SLC12A2: variants seen among roughly 807,000 people sequenced by gnomAD.
The protein encoded by SLC12A2 is solute carrier family 12 member 2.
Under a neutral mutation model 136.3 loss-of-function variants are expected in SLC12A2, and 67 were observed. The observed-to-expected ratio is 0.49, with a 90% CI of 0.40 to 0.60. The LOEUF is 0.60. SLC12A2 is among the 20% of genes least tolerant of loss of function. The probability of loss-of-function intolerance (pLI) is 0.00; values close to 1 mark genes in which losing one functional copy is unlikely to be tolerated. For missense variants in SLC12A2, 1,322 were observed against 1,534.7 expected, an observed-to-expected ratio of 0.86 and a Z score of 2.32; for synonymous variants, 619 against 562.9, an observed-to-expected ratio of 1.10 and a Z score of -1.41.
intron 1 of SLC12A2, among the ~76,000 whole-genome samples, chr5:128,102,404 A>T (rs1760769543): frequency 6.6e-6 from 1 of 151,766 alleles, no homozygotes; most frequent in Non-Finnish European, 1.5e-5. Flanking sequence ...TTCTTTGGGT[A>T]TTGGTGTTAT....
intron 1 of SLC12A2, among the ~76,000 whole-genome samples, chr5:128,104,196 A>AT (rs1226660678): frequency 2.6e-5 from 4 of 152,132 alleles, no homozygotes; most frequent in South Asian, 4.1e-4. Context: ...GCTAATGAGG[A>AT]TTTTTTAATT....
intron 23 of SLC12A2, among the ~76,000 whole-genome samples, chr5:128,182,173 T>C (rs1186423076): frequency 6.6e-6 from 1 of 152,174 alleles, no homozygotes; most frequent in Non-Finnish European, 1.5e-5. Context: ...GTCAAACCTA[T>C]AGCAGATCTG....
chr5:128,091,994 T>C (rs1247195638), intron 1 of SLC12A2, among the ~76,000 whole-genome samples: 1 of 152,174 alleles, frequency 6.6e-6, no homozygotes, highest in East Asian at 1.9e-4. Flanking sequence ...TTTGGTATGG[T>C]ATGCTAGCCA....
rs1408717030 is a variant in SLC12A2 at position 128,084,533 on chromosome 5, T to C, written c.579T>C (p.Ser193=). 6.2e-7 allele frequency: 1 copy of C among 1,613,452 alleles called. No homozygotes were observed. The highest frequency in any genetic ancestry group is 1.3e-5 in the African/African-American group (1 of 75,004). The stretch of plus-strand genomic sequence containing the variant: ...TGCACTCCGGCGGCGGCGGCGGCAG[T>C]GGGCACCACCAGCACTACTATTATG... ...SSLHSGGGGG[S]GHHQHYYYDT... The change falls in exon 1 of 27, where the codon AGT becomes AGC. Residue 193 remains serine, a synonymous_variant. Transcript: ENST00000262461. The surrounding 1 kb of genome is among the most constrained non-coding windows in gnomAD (Gnocchi z 5.6).
At chr5:128,148,686 A>G (rs555592687) in intron 11 of SLC12A2, 68 bp from the exon 12 acceptor site, 6 of 1,334,934 alleles carry the variant, frequency 4.5e-6, no homozygotes, top group African/African-American at 1.5e-5. Context: ...TGATTAACCT[A>G]TTAGAACTAT....
At chr5:128,171,776 T>G in intron 19 of SLC12A2, 30 bp downstream of exon 19, 1 of 1,302,546 alleles carries the variant, frequency 7.7e-7, no homozygotes, top group East Asian at 2.3e-5. Flanking sequence ...AGTTTTTTAT[T>G]TACAAAAATA....
At chr5:128,101,196 G>A (rs946585528) in intron 1 of SLC12A2, among the ~76,000 whole-genome samples, 8 of 152,102 alleles carry the variant, frequency 5.3e-5, no homozygotes, top group African/African-American at 1.9e-4. Context: ...GCACGGATAG[G>A]AAATGTTGGT....
At chr5:128,101,261 A>AT (rs1760730908) in intron 1 of SLC12A2, among the ~76,000 whole-genome samples, 1 of 152,136 alleles carries the variant, frequency 6.6e-6, no homozygotes, top group Non-Finnish European at 1.5e-5. Flanking sequence ...TGTTAGAACA[A>AT]TTGTTAGAAT....
chr5:128,114,433 A>G lies in SLC12A2; in HGVS notation c.952+146A>G, dbSNP rs115104760. On this transcript the variant is annotated intron_variant, in intron 3 of 26. Transcript: ENST00000262461. ...TTGTTATCTTGATGTTCCTTTTTTC[A>G]TAATTCTGATTTGGTTTTTATAAAA... 4.4e-4 allele frequency: 356 copies of G among 811,788 alleles called. 1 individual carries two copies. In the African/African-American group the frequency reaches 5.7e-3, roughly 13 times the overall value. 50.3% of individuals were successfully genotyped at this position (811,788 alleles called of 1,614,324 possible).
At chr5:128,170,613 ATGAAAGT>A (rs994335875) in intron 18 of SLC12A2, 1 of 152,204 alleles carries the variant, frequency 6.6e-6, no homozygotes, top group African/African-American at 2.4e-5. Flanking sequence ...ATAATTAAAG[ATGAAAGT>A]TAAGCCTGTT....
chr5:128,129,475 CTTTTT>C (rs549925133), intron 4 of SLC12A2, among the ~76,000 whole-genome samples: 4 of 130,934 alleles, frequency 3.1e-5, no homozygotes, highest in African/African-American at 1.1e-4. Flanking sequence ...GGTTAGGTTG[CTTTTT>C]TTTTTTTCAT....
intron 4 of SLC12A2, among the ~76,000 whole-genome samples, chr5:128,130,514 CAAAAAAAA>C (rs565322518): frequency 1.2e-5 from 1 of 81,480 alleles, no homozygotes; most frequent in African/African-American, 4.9e-5. Context: ...GACTCTGTCT[CAAAAAAAA>C]AAAAAAAAAA....
At chr5:128,110,801 C>G in intron 1 of SLC12A2, 1 of 1,484,178 alleles carries the variant, frequency 6.7e-7, no homozygotes, top group Non-Finnish European at 9.4e-7. Flanking sequence ...ATAGCAAAAG[C>G]AGGACAAGAA....
At chr5:128,149,009 A>C in intron 12 of SLC12A2, 132 bp downstream of exon 12, 1 of 770,630 alleles carries the variant, frequency 1.3e-6, no homozygotes, top group Non-Finnish European at 2.0e-6. Context: ...TTTATAAAGT[A>C]CTGTAAGTAA....
chr5:128,146,462 G>C (rs1294853662), intron 10 of SLC12A2, among the ~76,000 whole-genome samples: 2 of 150,722 alleles, frequency 1.3e-5, no homozygotes, highest in Non-Finnish European at 3.0e-5. Context: ...TTTGAACCAG[G>C]TTGTTTTTGA....
At chr5:128,089,883 A>G (rs369844993) in intron 1 of SLC12A2, among the ~76,000 whole-genome samples, 1 of 152,226 alleles carries the variant, frequency 6.6e-6, no homozygotes, top group South Asian at 2.1e-4. Context: ...ATTTCAGTGT[A>G]TAGCTTTAGT....
intron 4 of SLC12A2, among the ~76,000 whole-genome samples, chr5:128,127,840 T>G (rs1012355934): frequency 6.6e-6 from 1 of 151,510 alleles, no homozygotes; most frequent in Non-Finnish European, 1.5e-5. Flanking sequence ...TGTTTATCAG[T>G]TTTTTTTAAT....
At chr5:128,116,065 G>A (rs1761336996) in intron 4 of SLC12A2, among the ~76,000 whole-genome samples, 1 of 152,180 alleles carries the variant, frequency 6.6e-6, no homozygotes, top group Non-Finnish European at 1.5e-5. Context: ...GGCTTCTCGT[G>A]AACTGGGTAC....
rs1443655272 is a variant in SLC12A2, at chr5:128,134,238, T to C, written c.1262T>C (p.Leu421Ser). The change falls in exon 6 of 27, where the codon TTA (leucine) becomes TCA (serine). Residue 421 changes from leucine (L) to serine (S), a missense_variant. Coordinates refer to ENST00000262461, the MANE Select transcript of SLC12A2 (RefSeq NM_001046.3). ...GGAGCCATTACAGTCGTGATTCTTT[T>C]AGGTATCTCAGTAGCTGGAATGGAG... ...IIGAITVVIL[L>S]GISVAGMEWE... is the part of the protein sequence containing the mutation. The C allele has an allele frequency of 6.2e-7, 1 of 1,605,890 alleles. No individual in the cohort carries two copies. The highest frequency in any genetic ancestry group is 8.5e-7 in the Non-Finnish European group (1 of 1,172,940).
Sources: allele counts gnomAD v4.1 joint callset (sites outside exome capture counted in the v4.1 genomes callset), GRCh38; gene constraint gnomAD v4.1.1; non-coding constraint Gnocchi (gnomAD v3.1); transcripts MANE v1.5; gene names NCBI Gene and HGNC (gene_info 2026-07-23, HGNC 2026-07-21).